CCDC7: variants seen among roughly 807,000 people sequenced by gnomAD.
The protein encoded by CCDC7 is coiled-coil domain-containing protein 7.
A neutral mutation model predicts 196.9 loss-of-function variants in CCDC7; 183 were observed. That is an observed-to-expected ratio of 0.93 (90% CI 0.82 to 1.05). CCDC7 has a LOEUF of 1.05. CCDC7 is among the 50% of genes least tolerant of loss of function. The pLI, the probability that CCDC7 is intolerant of heterozygous loss-of-function variation, is 0.00. For missense variants in CCDC7, 1,540 were observed against 1,482.2 expected, an observed-to-expected ratio of 1.04 and a Z score of -0.64; for synonymous variants, 525 against 484.6, an observed-to-expected ratio of 1.08 and a Z score of -1.10.
chr10:32,585,229 ATGC>A (rs1247775765), intron 18 of CCDC7, among the ~76,000 whole-genome samples: 1 of 152,120 alleles, frequency 6.6e-6, no homozygotes, highest in African/African-American at 2.4e-5. Context: ...GCATGCCGCC[ATGC>A]CCAGCTAATT....
At chr10:32,732,456 G>T (rs1365299319) in intron 28 of CCDC7, among the ~76,000 whole-genome samples, 1 of 152,074 alleles carries the variant, frequency 6.6e-6, no homozygotes, top group Non-Finnish European at 1.5e-5. Context: ...TATTTTTCAT[G>T]TGTTCTTAAC....
intron 34 of CCDC7, 22 bp from the exon 36 acceptor site, chr10:32,845,521 G>A: frequency 3.2e-6 from 5 of 1,560,270 alleles, no homozygotes; most frequent in Non-Finnish European, 3.5e-6. Flanking sequence ...AAAATATACT[G>A]AAATCTGTTT....
At chr10:32,827,540 G>A (rs914376161) in intron 32 of CCDC7, among the ~76,000 whole-genome samples, 3 of 151,842 alleles carry the variant, frequency 2.0e-5, no homozygotes, top group Non-Finnish European at 4.4e-5. Context: ...CTCAATTTAC[G>A]GCTAAAGAAG....
chr10:32,638,137 C>A (rs1202651799), intron 20 of CCDC7, among the ~76,000 whole-genome samples: 1 of 152,132 alleles, frequency 6.6e-6, no homozygotes, highest in Non-Finnish European at 1.5e-5. Flanking sequence ...TGGGCTGAGA[C>A]GATGGGGTTT....
intron 5 of CCDC7, among the ~76,000 whole-genome samples, chr10:32,466,367 C>G (rs889860450): frequency 2.6e-5 from 4 of 151,332 alleles, no homozygotes; most frequent in African/African-American, 4.9e-5. Flanking sequence ...TATTTCATCA[C>G]CCACATATTA....
intron 11 of CCDC7, among the ~76,000 whole-genome samples, chr10:32,538,888 T>G (rs1026942936): frequency 6.6e-6 from 1 of 152,196 alleles, no homozygotes; most frequent in Non-Finnish European, 1.5e-5. Flanking sequence ...AGTTTGCTAG[T>G]ATTTTGTTGA....
intron 16 of CCDC7, among the ~76,000 whole-genome samples, chr10:32,581,503 A>C (rs556252292): frequency 3.0e-4 from 46 of 151,974 alleles, no homozygotes; most frequent in African/African-American, 1.1e-3. Flanking sequence ...GGGCTTTGAA[A>C]GTATTTCCAC....
intron 39 of CCDC7, among the ~76,000 whole-genome samples, chr10:32,850,019 G>GA (rs927206553): frequency 5.4e-4 from 82 of 152,110 alleles, no homozygotes; most frequent in African/African-American, 1.8e-3. Flanking sequence ...TCAAATGGTG[G>GA]AAAAAAATGC....
At chr10:32,729,209 C>A in intron 27 of CCDC7, 123 bp from the exon 29 acceptor site, 1 of 995,738 alleles carries the variant, frequency 1.0e-6, no homozygotes, top group Non-Finnish European at 1.5e-6. Context: ...AGTATCACTG[C>A]CTCCACACAT....
chr10:32,545,456 TG>T (rs1315337633), intron 13 of CCDC7, among the ~76,000 whole-genome samples: 3 of 152,226 alleles, frequency 2.0e-5, no homozygotes, highest in African/African-American at 7.2e-5. Context: ...ATAATGAATC[TG>T]GAATTCTCAA....
intron 28 of CCDC7, among the ~76,000 whole-genome samples, chr10:32,742,259 T>TC (rs1450644088): frequency 6.6e-6 from 1 of 152,022 alleles, no homozygotes; most frequent in Non-Finnish European, 1.5e-5. Context: ...CTTCTGCCAT[T>TC]CCCCCCACAC....
chr10:32,474,080 C>T, intron 8 of CCDC7, 57 bp downstream of exon 9: 1 of 1,550,746 alleles, frequency 6.4e-7, no homozygotes, highest in Non-Finnish European at 8.8e-7. Context: ...ACATTAATTT[C>T]TATAAAGTAA....
intron 31 of CCDC7, among the ~76,000 whole-genome samples, chr10:32,823,496 T>C (rs2090606981): frequency 6.6e-6 from 1 of 152,150 alleles, no homozygotes; most frequent in Non-Finnish European, 1.5e-5. Flanking sequence ...ATTTGAATTA[T>C]ATTGGTGGTA....
At chr10:32,605,257 G>A (rs913247152) in intron 18 of CCDC7, among the ~76,000 whole-genome samples, 3 of 152,096 alleles carry the variant, frequency 2.0e-5, no homozygotes, top group Non-Finnish European at 2.9e-5. Context: ...GAAGAACCAC[G>A]AGCCAATTAA....
Position 32,814,448 on chromosome 10 carries a change from T to TC in CCDC7, c.3179dup (p.Glu1061Ter). 1.2e-6 allele frequency: 2 copies of TC among 1,606,004 alleles called. No homozygotes were observed. The highest frequency in any genetic ancestry group is 2.2e-5 in the South Asian group (2 of 90,906). On this transcript the variant is annotated frameshift_variant, in exon 31 of 42. Transcript: ENST00000639629. LOFTEE classifies it high-confidence loss of function. ...GAATTCAAGACACGATCAAAGAGTC[T>TC]CCCTGGTAAGAACAAAAACTTTACA...
chr10:32,634,201 T>C (rs1227042015), intron 18 of CCDC7, 53 bp from the exon 20 acceptor site: 1 of 802,886 alleles, frequency 1.2e-6, no homozygotes, highest in Admixed American at 4.4e-5. Flanking sequence ...TTTGGAGATT[T>C]CACAATAGAG....
At chr10:32,733,524 T>C (rs756802326) in intron 28 of CCDC7, among the ~76,000 whole-genome samples, 4 of 152,170 alleles carry the variant, frequency 2.6e-5, no homozygotes, top group Non-Finnish European at 5.9e-5. Context: ...TTCAATATCA[T>C]TGATGTATTT....
chr10:32,811,367 C>G (rs1473873708), intron 30 of CCDC7, among the ~76,000 whole-genome samples: 2 of 151,866 alleles, frequency 1.3e-5, no homozygotes, highest in Non-Finnish European at 1.5e-5. Context: ...ATATTATGAA[C>G]AACTATACGC....
intron 9 of CCDC7, among the ~76,000 whole-genome samples, chr10:32,498,742 T>C (rs2134777824): frequency 6.6e-6 from 1 of 152,294 alleles, no homozygotes; most frequent in Non-Finnish European, 1.5e-5. Flanking sequence ...TGTTTTCTGC[T>C]GAGAGATCTG....
Sources: allele counts gnomAD v4.1 joint callset (sites outside exome capture counted in the v4.1 genomes callset), GRCh38; gene constraint gnomAD v4.1.1; transcripts MANE v1.5; gene names NCBI Gene and HGNC (gene_info 2026-07-23, HGNC 2026-07-21).